FRMD4B: variants seen among roughly 807,000 people sequenced by gnomAD.
FRMD4B encodes the protein FERM domain containing 4B.
Under a neutral mutation model 141.5 loss-of-function variants are expected in FRMD4B, and 74 were observed. The observed-to-expected ratio is 0.52, with a 90% confidence interval of 0.43 to 0.63. The LOEUF (loss-of-function observed/expected upper bound fraction) is 0.63. Among genes scored for constraint, FRMD4B ranks in the 30% least tolerant of loss-of-function variants. FRMD4B has a pLI of 0.00. For synonymous variants in FRMD4B, 506 were observed against 467.9 expected (o/e 1.08, Z -1.05); for missense variants, 1,366 against 1,253.4 (o/e 1.09, Z -1.36).
At chr3:69,206,405 C>T (rs1161587814) in intron 11 of FRMD4B, among the ~76,000 whole-genome samples, 1 of 152,134 alleles carries the variant, frequency 6.6e-6, no homozygotes, top group African/African-American at 2.4e-5. Context: ...AGGAGTAAAA[C>T]TCTTGAGTAT....
intron 11 of FRMD4B, among the ~76,000 whole-genome samples, chr3:69,205,915 T>C (rs1050916586): frequency 6.6e-6 from 1 of 152,232 alleles, no homozygotes; most frequent in Non-Finnish European, 1.5e-5. Context: ...GCTTTACATA[T>C]GCAAATGCTA....
At chr3:69,374,560 T>C (rs1278553557) in intron 1 of FRMD4B, among the ~76,000 whole-genome samples, 1 of 152,204 alleles carries the variant, frequency 6.6e-6, no homozygotes, top group Admixed American at 6.5e-5. Context: ...ATAGCAGACA[T>C]GGGGTCCTAG....
chr3:69,386,001 C>A lies in FRMD4B; in HGVS notation c.-12G>T. 6.4e-7 allele frequency: 1 copy of A among 1,567,926 alleles called. No homozygotes were observed. Among genetic ancestry groups the A allele is most frequent in the South Asian group, 1.2e-5 (1 of 85,500 alleles). On this transcript the variant is annotated 5_prime_UTR_variant, in exon 1 of 23. Coordinates refer to ENST00000398540, the MANE Select transcript of FRMD4B (RefSeq NM_015123.3). ...AACACCGAAGCCATGCCTCCTCCTT[C>A]GCTCTGAACCCGGGCGTCCCGGCTC...
chr3:69,442,530 A>G (rs542075374), intron 1 of FRMD4B, among the ~76,000 whole-genome samples: 106 of 152,162 alleles, frequency 7.0e-4, no homozygotes, highest in Non-Finnish European at 1.3e-3. Context: ...GATCATTCTA[A>G]CATAGGTAGT....
intron 5 of FRMD4B, among the ~76,000 whole-genome samples, chr3:69,256,651 T>C (rs2106824082): frequency 6.6e-6 from 1 of 152,244 alleles, no homozygotes; most frequent in South Asian, 2.1e-4. Flanking sequence ...ATTAGGCTGG[T>C]GGTGGAGGAG....
intron 1 of FRMD4B, among the ~76,000 whole-genome samples, chr3:69,477,332 G>A (rs1706019288): frequency 6.9e-6 from 1 of 144,264 alleles, no homozygotes; most frequent in African/African-American, 2.8e-5. Context: ...TATGATATTG[G>A]CTGTGGGTTT....
intron 13 of FRMD4B, 149 bp downstream of exon 13, chr3:69,196,751 A>G: frequency 1.6e-6 from 1 of 642,692 alleles, no homozygotes; most frequent in East Asian, 2.8e-5. Context: ...ATGTAAACAT[A>G]TAAAAAACCT....
At chr3:69,518,279 AAG>A (rs1644332324) in intron 1 of FRMD4B, among the ~76,000 whole-genome samples, 2 of 152,188 alleles carry the variant, frequency 1.3e-5, no homozygotes, top group African/African-American at 4.8e-5. Flanking sequence ...TTTTAAAATA[AAG>A]AAACAATGTA....
chr3:69,507,218 A>T (rs1706610814), intron 1 of FRMD4B, among the ~76,000 whole-genome samples: 1 of 152,214 alleles, frequency 6.6e-6, no homozygotes, highest in Non-Finnish European at 1.5e-5. Flanking sequence ...GGCAGTATAT[A>T]CAGACAGTAA....
intron 1 of FRMD4B, among the ~76,000 whole-genome samples, chr3:69,362,391 T>G (rs932764057): frequency 6.6e-6 from 1 of 152,198 alleles, no homozygotes; most frequent in Admixed American, 6.5e-5. Context: ...AATTGTTAAT[T>G]GGAATCCTTT....
intron 6 of FRMD4B, 37 bp downstream of exon 6, chr3:69,250,006 C>A: frequency 1.4e-6 from 2 of 1,407,400 alleles, no homozygotes; most frequent in East Asian, 2.3e-5. Context: ...CGAACAAACA[C>A]AAGGGAGCTG....
intron 6 of FRMD4B, 58 bp downstream of exon 6, chr3:69,249,985 G>A: frequency 8.8e-7 from 1 of 1,134,650 alleles, no homozygotes; most frequent in Non-Finnish European, 1.3e-6. Flanking sequence ...GTTGCAGGCA[G>A]TTAACAAAAA....
intron 1 of FRMD4B, among the ~76,000 whole-genome samples, chr3:69,343,648 C>T (rs1322166150): frequency 1.4e-5 from 2 of 147,364 alleles, no homozygotes; most frequent in African/African-American, 2.5e-5. Context: ...GGTGTGATCC[C>T]GGCTCACTGC....
chr3:69,398,571 C>A (rs1053646303), intron 2 of FRMD4B, among the ~76,000 whole-genome samples: 1 of 152,190 alleles, frequency 6.6e-6, no homozygotes, highest in Non-Finnish European at 1.5e-5. Context: ...CATACAAAAG[C>A]TTATTCAGCA....
Position 69,195,063 on chromosome 3 carries a change from T to C in FRMD4B, c.1447A>G (p.Thr483Ala). The change falls in exon 16 of 23, where the codon ACT (threonine) becomes GCT (alanine). Residue 483 changes from threonine to alanine, a missense_variant. By Grantham distance (58) the Thr-to-Ala change is moderately conservative. Coordinates refer to ENST00000398540, the MANE Select transcript of FRMD4B (RefSeq NM_015123.3). Reference protein sequence around the residue: ...KPPQVRRRVGTAFKLDDNLLP... With the variant: ...KPPQVRRRVGAAFKLDDNLLP... ...AAGTTGTCATCTAATTTGAACGCAG[T>C]ACCCACACGTCTTCTGACCTGAGGA... is the stretch of plus-strand genomic sequence containing the variant. 1 of 1,613,814 alleles carries C rather than the reference T, an allele frequency of 6.2e-7. No homozygotes were observed. Among genetic ancestry groups the C allele is most frequent in the Non-Finnish European group, 8.5e-7 (1 of 1,179,682 alleles).
In FRMD4B at chr3:69,245,659, CT is replaced by C. The variant is rs150530171; in HGVS notation, c.581+3566del. ...ATTGCACCTGGCCTTGGCTGATTTT[CT>C]TTTCTTTTTTTTTTTTTTTTTGTGA... On this transcript the variant is annotated intron_variant, in intron 7 of 22. Coordinates refer to ENST00000398540, the MANE Select transcript of FRMD4B (RefSeq NM_015123.3). Among the ~76,000 whole-genome samples, 557 of 98,480 alleles carry C rather than the reference CT, an allele frequency of 5.7e-3. 3 individuals carry two copies. Among genetic ancestry groups the C allele is most frequent in the African/African-American group, 0.021 (536 of 25,570 alleles). The allele number at this position is 98,480 out of a possible 152,430, so 64.6% of individuals were successfully genotyped here.
chr3:69,359,272 C>T (rs1703408088), intron 1 of FRMD4B, among the ~76,000 whole-genome samples: 1 of 152,068 alleles, frequency 6.6e-6, no homozygotes, highest in Non-Finnish European at 1.5e-5. Context: ...GAGTGAGCTC[C>T]TGGATTAAGA....
intron 1 of FRMD4B, among the ~76,000 whole-genome samples, chr3:69,362,214 G>T (rs13075664): frequency 6.6e-6 from 1 of 151,850 alleles, no homozygotes; most frequent in East Asian, 1.9e-4. Context: ...CTTTGAGGTC[G>T]GGACTATTAT....
chr3:69,171,579 G>C lies in FRMD4B; in HGVS notation c.*282C>G. On this transcript the variant is annotated 3_prime_UTR_variant, in exon 23 of 23. Transcript: ENST00000398540. The stretch of plus-strand genomic sequence containing the variant: ...ACTCCCTTAAAAAGTGCTTGCTATT[G>C]ATGAAGGCTTCACACTGAGTCCTCT... 1 of 277,046 alleles carries C rather than the reference G, an allele frequency of 3.6e-6. No homozygotes were observed. Among genetic ancestry groups the C allele is most frequent in the Middle Eastern group, 1.1e-3 (1 of 882 alleles). 17.2% of individuals were successfully genotyped at this position (277,046 alleles called of 1,614,324 possible). A position where few individuals can be genotyped will look rare whatever the true frequency, so the allele number is the denominator to read the frequency against.
Sources: gnomAD v4.1 joint callset for allele counts (sites outside exome capture counted in the v4.1 genomes callset) on GRCh38, gnomAD v4.1.1 for gene constraint, MANE v1.5 for transcripts, NCBI Gene and HGNC (gene_info 2026-07-23, HGNC 2026-07-21) for gene names.